AMMECR1: variants seen among roughly 807,000 people sequenced by gnomAD.
AMMECR1 encodes nuclear protein AMMECR1.
A neutral mutation model predicts 22.5 loss-of-function variants in AMMECR1; 3 were observed. That is an observed-to-expected ratio of 0.13 (90% CI 0.06 to 0.35). The LOEUF is 0.35. AMMECR1 is among the 10% of genes least tolerant of loss of function. The probability of loss-of-function intolerance (pLI) is 1.00; values close to 1 mark genes in which losing one functional copy is unlikely to be tolerated. For missense variants in AMMECR1, 235 were observed against 278.7 expected, an observed-to-expected ratio of 0.84 and a Z score of 1.12; for synonymous variants, 130 against 116.7, an observed-to-expected ratio of 1.11 and a Z score of -0.74.
chrX:110,319,885 C>A (rs2068072493), upstream of AMMECR1, among the ~76,000 whole-genome samples: 1 of 112,175 alleles, frequency 8.9e-6, no homozygotes, highest in South Asian at 3.7e-4. Context: ...AGTGACATTA[C>A]ACTCCAGCAG....
chrX:110,399,605 A>G (rs764680720), intron 2 of AMMECR1, among the ~76,000 whole-genome samples: 2 of 112,592 alleles, frequency 1.8e-5, no homozygotes, highest in South Asian at 3.7e-4. Context: ...TTGACATGTT[A>G]GGAGAGCTGA....
Position 110,317,992 on chromosome X carries a change from G to T in AMMECR1, c.80C>A (p.Ala27Asp). 8.3e-7 allele frequency: 1 copy of T among 1,203,911 alleles called. No individual in the cohort carries two copies. The highest frequency in any genetic ancestry group is 1.1e-6 in the Non-Finnish European group (1 of 892,192). ...PPSGSGGGGGASSSSHCSGES... is the reference protein window; with the variant it reads ...PPSGSGGGGGDSSSSHCSGES... ...TCCGCTGCAGTGGGAGGAGGAGGAG[G>T]CGCCACCACCGCCACCCGAGCCAGA... Residue 27 changes from alanine (A) to aspartate (D), a missense_variant, in exon 1 of 6, where the codon GCC becomes GAC. Coordinates refer to ENST00000262844, the MANE Select transcript of AMMECR1 (RefSeq NM_015365.3).
At chrX:110,382,014 A>T (rs938166894) in intron 2 of AMMECR1, among the ~76,000 whole-genome samples, 8 of 111,399 alleles carry the variant, frequency 7.2e-5, no homozygotes, top group Non-Finnish European at 1.3e-4. Flanking sequence ...AATAAAAATT[A>T]AAAAAAATTT....
chrX:110,238,889 G>C (rs1208494206), intron 2 of AMMECR1, among the ~76,000 whole-genome samples: 4 of 112,181 alleles, frequency 3.6e-5, no homozygotes, highest in Non-Finnish European at 7.5e-5. Flanking sequence ...GCCTCTGCTG[G>C]TGATACCCAG....
In AMMECR1 at chrX:110,437,803, G is replaced by A. The variant is rs144540495; in HGVS notation, c.-294+2087C>T. Among the ~76,000 whole-genome samples the A allele has an allele frequency of 4.5e-5, 5 of 110,952 alleles. No homozygotes were observed. The East Asian group carries it at 1.4e-3, about 31-fold the overall frequency. On this transcript the variant is annotated intron_variant, in intron 1 of 7. Transcript: ENST00000372057. ...CTGAAGAAATGCCAGGATTGAGGGG[G>A]CAGCAGATTGTTAGATCTGTTTGTT...
chrX:110,288,627 A>G (rs1260973422), intron 1 of AMMECR1, among the ~76,000 whole-genome samples: 1 of 111,976 alleles, frequency 8.9e-6, no homozygotes, highest in Admixed American at 9.5e-5. Flanking sequence ...CTTTTTGGAT[A>G]AACAATGCTA....
chrX:110,238,778 A>G (rs949011848), intron 2 of AMMECR1, among the ~76,000 whole-genome samples: 8 of 112,196 alleles, frequency 7.1e-5, no homozygotes, highest in Admixed American at 3.7e-4. Context: ...AGGGGTCGAC[A>G]GACACCTCAT....
At chrX:110,400,664 G>A (rs1051577028) in intron 2 of AMMECR1, among the ~76,000 whole-genome samples, 2 of 111,230 alleles carry the variant, frequency 1.8e-5, no homozygotes, top group African/African-American at 3.3e-5. Flanking sequence ...TGCTTGTCTC[G>A]CAAATATTTT....
chrX:110,386,505 C>T (rs934816561), intron 2 of AMMECR1, among the ~76,000 whole-genome samples: 23 of 111,117 alleles, frequency 2.1e-4, no homozygotes, highest in African/African-American at 7.5e-4. Context: ...AATGTCCCTA[C>T]AAATTCTTTG....
intron 2 of AMMECR1, among the ~76,000 whole-genome samples, chrX:110,237,078 T>A (rs1049650021): frequency 9.0e-6 from 1 of 111,503 alleles, no homozygotes; most frequent in African/African-American, 3.3e-5. Context: ...ATGGGGCAAT[T>A]AATAATAATA....
At chrX:110,341,625 A>G (rs1448589190) in intron 2 of AMMECR1, among the ~76,000 whole-genome samples, 1 of 112,304 alleles carries the variant, frequency 8.9e-6, no homozygotes. Context: ...CTTAGTAGCC[A>G]TCTCAGTTAT....
At chrX:110,283,071 G>A (rs1482306791) in intron 1 of AMMECR1, among the ~76,000 whole-genome samples, 1 of 111,109 alleles carries the variant, frequency 9.0e-6, no homozygotes, top group Non-Finnish European at 1.9e-5. Flanking sequence ...AAAAAAAAAT[G>A]TTTATCCACT....
intron 2 of AMMECR1, among the ~76,000 whole-genome samples, chrX:110,343,384 T>C (rs2068173380): frequency 9.0e-6 from 1 of 111,472 alleles, no homozygotes; most frequent in South Asian, 3.8e-4. Flanking sequence ...ACAGCCAATA[T>C]AATACTGAAT....
rs1293422665 is a variant in AMMECR1 at position 110,305,821 on chromosome X, T to TA, written c.473+11777dup. Among the ~76,000 whole-genome samples the TA allele has an allele frequency of 9.2e-4, 95 of 103,631 alleles. 1 individual carries two copies. The highest frequency in any genetic ancestry group is 1.7e-3 in the African/African-American group (50 of 28,585). The allele number at this position is 103,631 out of a possible 115,157, so 90.0% of individuals were successfully genotyped here. A position where few individuals can be genotyped will look rare whatever the true frequency, so the allele number is the denominator to read the frequency against. On this transcript the variant is annotated intron_variant, in intron 1 of 5. Coordinates refer to ENST00000262844, the MANE Select transcript of AMMECR1 (RefSeq NM_015365.3). ...CAGAAACCCCATCTCTACTGAAAATTAAAAAAAAAAAATCAGCTGGGCATG... is the reference window on the plus strand; with the variant it reads ...CAGAAACCCCATCTCTACTGAAAATTAAAAAAAAAAAAATCAGCTGGGCATG...
intron 1 of AMMECR1, among the ~76,000 whole-genome samples, chrX:110,316,789 G>A (rs1371248192): frequency 9.1e-6 from 1 of 110,240 alleles, no homozygotes; most frequent in Non-Finnish European, 1.9e-5. Context: ...GTATAACATG[G>A]ATTTCTTAAA....
chrX:110,281,929 T>C (rs2067854849), intron 1 of AMMECR1, among the ~76,000 whole-genome samples: 1 of 112,262 alleles, frequency 8.9e-6, no homozygotes, highest in Admixed American at 9.4e-5. Context: ...TCCTATCCCC[T>C]GACACATAGT....
At chrX:110,309,308 G>C (rs1569403543) in intron 1 of AMMECR1, 1 of 112,191 alleles carries the variant, frequency 8.9e-6, no homozygotes, top group Non-Finnish European at 1.9e-5. Context: ...CCACCTTGCA[G>C]CAATCCAAGA....
At chrX:110,206,131 C>T (rs762868313) in intron 3 of AMMECR1, among the ~76,000 whole-genome samples, 3 of 112,176 alleles carry the variant, frequency 2.7e-5, no homozygotes, top group Admixed American at 9.4e-5. Context: ...CATCCTCTTT[C>T]GTCTCTTGTC....
At chrX:110,373,492 A>C (rs1200958966) in intron 2 of AMMECR1, among the ~76,000 whole-genome samples, 3 of 111,922 alleles carry the variant, frequency 2.7e-5, no homozygotes, top group Admixed American at 9.5e-5. Context: ...ATTCTTACGG[A>C]AGGGTTCTAA....
Sources: allele counts gnomAD v4.1 joint callset (sites outside exome capture counted in the v4.1 genomes callset), GRCh38; gene constraint gnomAD v4.1.1; transcripts MANE v1.5; gene names NCBI Gene and HGNC (gene_info 2026-07-23, HGNC 2026-07-21).